BTN2A1: variants seen among roughly 807,000 people sequenced by gnomAD.
BTN2A1 encodes the protein butyrophilin subfamily 2 member A1, also known as butyrophilin, subfamily 2, member A1.
Under a neutral mutation model 34.5 loss-of-function variants are expected in BTN2A1, and 41 were observed. The observed-to-expected ratio is 1.19, with a 90% CI of 0.93 to 1.54. BTN2A1 has a LOEUF of 1.54. Ranked by LOEUF, BTN2A1 falls within the 40% of genes most tolerant of loss-of-function variation. The pLI is 0.00. For synonymous variants in BTN2A1, 267 were observed against 258.6 expected, an observed-to-expected ratio of 1.03 and a Z score of -0.31; for missense variants, 642 against 662.0, an observed-to-expected ratio of 0.97 and a Z score of 0.33.
chr6:26,463,071 A>G (rs542348723), intron 3 of BTN2A1, among the ~76,000 whole-genome samples, 173 bp from the exon 4 acceptor site: 1 of 152,290 alleles, frequency 6.6e-6, no homozygotes. Context: ...GTGTTCTCCA[A>G]CATCAATGTT....
At chr6:26,471,663 AAAGG>A (rs71745841), downstream of BTN2A1, among the ~76,000 whole-genome samples, 17,748 of 151,532 alleles carry the variant, frequency 0.12, 2,865 homozygotes, top group African/African-American at 0.37. Context: ...GGAAGGAAGG[AAAGG>A]AAGGAAGGAA....
At chr6:26,466,011 A>T (rs547692641) in intron 6 of BTN2A1, 38 bp downstream of exon 6, 2 of 1,614,238 alleles carry the variant, frequency 1.2e-6, no homozygotes, top group South Asian at 2.2e-5. Flanking sequence ...GTACAATTTG[A>T]GTTCTGCTCA....
At chr6:26,463,214 T>A in intron 3 of BTN2A1, 30 bp from the exon 4 acceptor site, 1 of 1,542,806 alleles carries the variant, frequency 6.5e-7, no homozygotes, top group African/African-American at 1.4e-5. Flanking sequence ...AGGCACTGAC[T>A]TTTGCCTGAA....
At chr6:26,463,573 A>G (rs781321601) in intron 4 of BTN2A1, 48 bp downstream of exon 4, 21 of 1,576,006 alleles carry the variant, frequency 1.3e-5, no homozygotes, top group Non-Finnish European at 1.8e-5. Context: ...GGGGATCCTC[A>G]GCACACAGAT....
At position 26,468,421 on chromosome 6, in the gene BTN2A1, C is replaced by A. The variant is rs747776228; in HGVS notation, c.1456C>A (p.Pro486Thr). 35 of 1,614,170 alleles carry A rather than the reference C, an allele frequency of 2.2e-5. No individual in the cohort carries two copies. The highest frequency in any genetic ancestry group is 2.0e-5 in the Non-Finnish European group (24 of 1,180,022). The change falls in exon 8 of 8, where the codon CCC becomes ACC. Residue 486 changes from proline (P) to threonine (T), a missense_variant. Physicochemically the swap from Pro to Thr is conservative, Grantham distance 38. Transcript: ENST00000312541. ...PRSAFSVPVR[P>T]FFRLGCEDSP... is the part of the protein sequence containing the mutation. ...TTCAGCCTTTTCCGTGCCTGTGAGG[C>A]CCTTCTTCAGGTTGGGGTGTGAGGA... is the stretch of plus-strand genomic sequence containing the variant.
chr6:26,464,890 G>A (rs776202142), intron 4 of BTN2A1, among the ~76,000 whole-genome samples: 6 of 152,186 alleles, frequency 3.9e-5, no homozygotes, highest in Non-Finnish European at 8.8e-5. Context: ...TATTCCAGGC[G>A]TGAGTGATGG....
At chr6:26,471,296 T>G (rs1199325555), downstream of BTN2A1, among the ~76,000 whole-genome samples, 1 of 152,272 alleles carries the variant, frequency 6.6e-6, no homozygotes, top group South Asian at 2.1e-4. Flanking sequence ...TTTCTTGCAC[T>G]CTGGGGGCTG....
Position 26,463,446 on chromosome 6 carries a change from C to G in BTN2A1, c.633C>G (p.Asp211Glu), listed in dbSNP as rs1199660667. 6 of 1,614,024 alleles carry G rather than the reference C, an allele frequency of 3.7e-6. No homozygotes were observed. The highest frequency in any genetic ancestry group is 5.1e-6 in the Non-Finnish European group (6 of 1,180,030). ...TCACCACGGCTGTGATCATCAGAGA[C>G]AAGTCTGTGAGGAACATGTCCTGCT... The part of the protein sequence containing the change: ...FMVTTAVIIR[D>E]KSVRNMSCSI... Residue 211 changes from aspartate (D) to glutamate (E), a missense_variant, in exon 4 of 8, where the codon GAC becomes GAG. Physicochemically the swap from Asp to Glu is conservative, Grantham distance 45. Coordinates refer to ENST00000312541, the MANE Select transcript of BTN2A1 (RefSeq NM_007049.5).
In BTN2A1 at chr6:26,465,416, G is replaced by A. The variant is rs534390301; in HGVS notation, c.934+10G>A. The A allele has an allele frequency of 2.5e-6, 4 of 1,612,884 alleles. No homozygotes were observed. The highest frequency in any genetic ancestry group is 1.7e-5 in the Admixed American group (1 of 59,918). On this transcript the variant is annotated intron_variant, in intron 5 of 7. Coordinates refer to ENST00000312541, the MANE Select transcript of BTN2A1 (RefSeq NM_007049.5). ...GAACTTCAAGTAAAAGGTAAAAGAG[G>A]CTGAGTATGGTGGCTCATGGCTTGA...
chr6:26,465,489 G>A, intron 5 of BTN2A1, 83 bp downstream of exon 5: 2 of 1,338,664 alleles, frequency 1.5e-6, no homozygotes, highest in Non-Finnish European at 2.1e-6. Flanking sequence ...TTGAGCCCTG[G>A]AGTTCGAGAC....
downstream of BTN2A1, among the ~76,000 whole-genome samples, chr6:26,470,007 G>A (rs964815434): frequency 3.9e-5 from 6 of 151,970 alleles, no homozygotes; most frequent in African/African-American, 1.2e-4. Context: ...CTGTGATCCT[G>A]CCATTGCACT....
chr6:26,476,298 T>A, exon 8 of BTN2A1: 1 of 902,374 alleles, frequency 1.1e-6, no homozygotes. Context: ...CCCATCGCTC[T>A]CTCCTGTCTA....
At position 26,459,462 on chromosome 6, in the gene BTN2A1, C is replaced by G. The variant is rs926952130; in HGVS notation, c.83-19C>G. 6.2e-7 allele frequency: 1 copy of G among 1,609,800 alleles called. No individual in the cohort carries two copies. The highest frequency in any genetic ancestry group is 8.5e-7 in the Non-Finnish European group (1 of 1,176,528). On this transcript the variant is annotated intron_variant, in intron 2 of 7. Coordinates refer to ENST00000312541, the MANE Select transcript of BTN2A1 (RefSeq NM_007049.5). The stretch of plus-strand genomic sequence containing the variant: ...TGATGGCTGGTGTCTTTGTCTGACT[C>G]TACCCCTTTGTTGAACAGCCCAGTT...
rs1763078873 is a variant in BTN2A1, at chr6:26,458,729, G to T, written c.82+11G>T. Reference sequence around the variant, plus strand: ...GTGCACTGGTCTCAGGTAGGGATGTGTGCCACTTGCTGCTGTCACCTATCA... The same window carrying T: ...GTGCACTGGTCTCAGGTAGGGATGTTTGCCACTTGCTGCTGTCACCTATCA... On this transcript the variant is annotated intron_variant, in intron 2 of 7. Coordinates refer to ENST00000312541, the MANE Select transcript of BTN2A1 (RefSeq NM_007049.5). 3 of 1,613,670 alleles carry T rather than the reference G, an allele frequency of 1.9e-6. No homozygotes were observed. Among genetic ancestry groups the T allele is most frequent in the Middle Eastern group, 1.6e-4 (1 of 6,082 alleles).
At chr6:26,458,355 T>G (rs934025502) in intron 1 of BTN2A1, among the ~76,000 whole-genome samples, 1 of 152,096 alleles carries the variant, frequency 6.6e-6, no homozygotes, top group African/African-American at 2.4e-5. Context: ...CAGCGACAAC[T>G]GAAGAAACTG....
chr6:26,462,012 C>G (rs997229213), intron 3 of BTN2A1, among the ~76,000 whole-genome samples: 3 of 87,782 alleles, frequency 3.4e-5, no homozygotes, highest in African/African-American at 1.6e-4. Context: ...TAGAGTGAGA[C>G]TGTGTCAAAA....
intron 7 of BTN2A1, 29 bp from the exon 8 acceptor site, chr6:26,467,919 C>T: frequency 6.3e-7 from 1 of 1,598,952 alleles, no homozygotes; most frequent in Non-Finnish European, 8.5e-7. Flanking sequence ...CCTGAGACCC[C>T]AGGCCTAAAC....
intron 7 of BTN2A1, among the ~76,000 whole-genome samples, chr6:26,474,757 CTTTTTT>C (rs11445433): frequency 1.4e-5 from 2 of 142,440 alleles, no homozygotes; most frequent in Admixed American, 7.0e-5. Flanking sequence ...GCAAAGACTC[CTTTTTT>C]TTTTTTTTGT....
At position 26,465,244 on chromosome 6, in the gene BTN2A1, C is replaced by G. The variant is rs1162141500; in HGVS notation, c.772C>G (p.Leu258Val). The change falls in exon 5 of 8, where the codon CTG becomes GTG. Residue 258 changes from leucine (L) to valine (V), a missense_variant. Leu to Val is a conservative substitution (Grantham distance 32, BLOSUM62 1). Coordinates refer to ENST00000312541, the MANE Select transcript of BTN2A1 (RefSeq NM_007049.5). ...GGCCCTGCCTATCATTGTGGTTATTCTGATGATACCCATTGCCGTATGCAT... is the reference window on the plus strand; with the variant it reads ...GGCCCTGCCTATCATTGTGGTTATTGTGATGATACCCATTGCCGTATGCAT... ...AVALPIIVVILMIPIAVCIYW... is the reference protein window; with the variant it reads ...AVALPIIVVIVMIPIAVCIYW... 3 of 1,614,140 alleles carry G rather than the reference C, an allele frequency of 1.9e-6. No homozygotes were observed. The highest frequency in any genetic ancestry group is 2.5e-6 in the Non-Finnish European group (3 of 1,180,006).
Sources: allele counts gnomAD v4.1 joint callset (sites outside exome capture counted in the v4.1 genomes callset), GRCh38; gene constraint gnomAD v4.1.1; transcripts MANE v1.5; gene names NCBI Gene and HGNC (gene_info 2026-07-23, HGNC 2026-07-21).